MIS18BP1: variants seen among roughly 807,000 people sequenced by gnomAD.
The protein encoded by MIS18BP1 is MIS18 binding protein 1.
A neutral mutation model predicts 116.1 loss-of-function variants in MIS18BP1; 72 were observed. That is an observed-to-expected ratio of 0.62 (90% confidence interval 0.51 to 0.75). MIS18BP1 has a LOEUF of 0.75. Among genes scored for constraint, MIS18BP1 ranks in the 30% least tolerant of loss-of-function variants. The pLI is 0.00. For synonymous variants in MIS18BP1, 386 were observed against 427.0 expected, an observed-to-expected ratio of 0.90 and a Z score of 1.18; for missense variants, 1,363 against 1,303.2, an observed-to-expected ratio of 1.05 and a Z score of -0.71.
At chr14:45,240,816 T>G (rs1257951375) in intron 4 of MIS18BP1, among the ~76,000 whole-genome samples, 1 of 151,928 alleles carries the variant, frequency 6.6e-6, no homozygotes, top group Non-Finnish European at 1.5e-5. Flanking sequence ...GCAGGAGATT[T>G]GCATGAACCT....
At chr14:45,231,788 T>C (rs1891284470) in intron 7 of MIS18BP1, among the ~76,000 whole-genome samples, 1 of 152,182 alleles carries the variant, frequency 6.6e-6, no homozygotes, top group Non-Finnish European at 1.5e-5. Flanking sequence ...CCAGTTATTA[T>C]ATTTGTGCTG....
At chr14:45,211,174 A>G (rs2139148094) in intron 13 of MIS18BP1, among the ~76,000 whole-genome samples, 1 of 152,290 alleles carries the variant, frequency 6.6e-6, no homozygotes, top group South Asian at 2.1e-4. Context: ...TGCCTTATGC[A>G]CATGTTTTTA....
At chr14:45,224,894 G>C in intron 10 of MIS18BP1, 148 bp from the exon 11 acceptor site, 1 of 634,110 alleles carries the variant, frequency 1.6e-6, no homozygotes, top group Non-Finnish European at 2.6e-6. Context: ...TAATCTTTCT[G>C]AAGCCCAGGT....
intron 8 of MIS18BP1, among the ~76,000 whole-genome samples, chr14:45,229,896 G>A (rs1312963368): frequency 2.6e-5 from 4 of 152,208 alleles, no homozygotes; most frequent in African/African-American, 4.8e-5. Flanking sequence ...GATAAAAAGA[G>A]GAAGGGTTGA....
At position 45,226,742 on chromosome 14, in the gene MIS18BP1, C is replaced by T. The variant is rs1222477005; in HGVS notation, c.1840+1G>A. On this transcript the variant is annotated splice_donor_variant, in intron 10 of 16. Coordinates refer to ENST00000310806, the MANE Select transcript of MIS18BP1 (RefSeq NM_018353.5). LOFTEE classifies it high-confidence loss of function. The stretch of plus-strand genomic sequence containing the variant: ...TTAAAAAACCATTAAAGATATATTA[C>T]CTTGCTTCTGACTTTTTATTATCCT... The T allele has an allele frequency of 2.2e-6, 3 of 1,385,048 alleles. No individual in the cohort carries two copies. The highest frequency in any genetic ancestry group is 2.8e-5 in the East Asian group (1 of 35,998). The allele number at this position is 1,385,048 out of a possible 1,614,324, so 85.8% of individuals were successfully genotyped here.
chr14:45,225,198 T>C (rs17115914), intron 10 of MIS18BP1, among the ~76,000 whole-genome samples: 4,129 of 152,280 alleles, frequency 0.027, 110 homozygotes, highest in African/African-American at 0.068. Flanking sequence ...TTCGATTTTA[T>C]TCTCTAACCC....
At chr14:45,228,021 A>G (rs1430982243) in intron 8 of MIS18BP1, among the ~76,000 whole-genome samples, 1 of 152,130 alleles carries the variant, frequency 6.6e-6, no homozygotes, top group African/African-American at 2.4e-5. Context: ...TACAAAGAAT[A>G]AAAGGTTGGT....
chr14:45,244,050 C>A (rs988456997), intron 2 of MIS18BP1, among the ~76,000 whole-genome samples: 3 of 152,128 alleles, frequency 2.0e-5, no homozygotes, highest in Non-Finnish European at 4.4e-5. Flanking sequence ...ACTTCTACCC[C>A]CAAACTCCCT....
Position 45,247,243 on chromosome 14 carries a change from G to T in MIS18BP1, c.44C>A (p.Pro15Gln). The change falls in exon 2 of 17, where the codon CCA becomes CAA. Residue 15 changes from proline to glutamine, a missense_variant. By Grantham distance (76) the Pro-to-Gln change is moderately conservative. Transcript: ENST00000310806. Reference sequence around the variant, plus strand: ...ATTTCTCCTTTGAGAAGATGCCTCTGGAGGTAAGTAAATTCTTGAATGTTT... The same window carrying T: ...ATTTCTCCTTTGAGAAGATGCCTCTTGAGGTAAGTAAATTCTTGAATGTTT... ...PLKHSRIYLP[P>Q]EASSQRRNLP... is the part of the protein sequence containing the mutation. 1 of 1,595,788 alleles carries T rather than the reference G, an allele frequency of 6.3e-7. No homozygotes were observed.
At chr14:45,209,911 T>C (rs1029940428) in intron 14 of MIS18BP1, among the ~76,000 whole-genome samples, 1 of 152,206 alleles carries the variant, frequency 6.6e-6, no homozygotes, top group Non-Finnish European at 1.5e-5. Context: ...AAATTAGCCT[T>C]TTGCCTGTGA....
rs147881413 is a variant in MIS18BP1 at position 45,224,138 on chromosome 14, A to G, written c.2449T>C (p.Leu817=). ...TRNTSNIPVI[L]EPETEESENE... Reference sequence around the variant, plus strand: ...TCACTTTCTTCAGTTTCAGGTTCCAAAATCACTGGAATATTACTTGTGTTT... The same window carrying G: ...TCACTTTCTTCAGTTTCAGGTTCCAGAATCACTGGAATATTACTTGTGTTT... The change falls in exon 11 of 17, where the codon TTG becomes CTG. Residue 817 remains leucine, a synonymous_variant. Coordinates refer to ENST00000310806, the MANE Select transcript of MIS18BP1 (RefSeq NM_018353.5). The G allele has an allele frequency of 3.7e-6, 6 of 1,613,248 alleles. No homozygotes were observed. The highest frequency in any genetic ancestry group is 5.1e-6 in the Non-Finnish European group (6 of 1,179,902).
At chr14:45,230,090 A>G (rs1891234215) in intron 8 of MIS18BP1, among the ~76,000 whole-genome samples, 1 of 152,208 alleles carries the variant, frequency 6.6e-6, no homozygotes, top group Non-Finnish European at 1.5e-5. Flanking sequence ...GTATGGTGCT[A>G]TGTTTTTGGC....
Position 45,242,150 on chromosome 14 carries a change from C to T in MIS18BP1, c.1027G>A (p.Val343Ile), listed in dbSNP as rs1594525426. The T allele has an allele frequency of 6.2e-7, 1 of 1,613,918 alleles. No homozygotes were observed. The highest frequency in any genetic ancestry group is 8.5e-7 in the Non-Finnish European group (1 of 1,180,004). ...ATATGAAGTCTTGGTGTTGCAAGTA[C>T]AATTTTACATGTATCTTTCATGGAA... ...PGSMKDTCKIVLATPRLHITI... is the reference protein window; with the variant it reads ...PGSMKDTCKIILATPRLHITI... Residue 343 changes from valine to isoleucine, a missense_variant, in exon 4 of 17, where the codon GTA (valine) becomes ATA (isoleucine). By Grantham distance (29) the Val-to-Ile change is conservative. Coordinates refer to ENST00000310806, the MANE Select transcript of MIS18BP1 (RefSeq NM_018353.5).
chr14:45,243,010 T>A, intron 2 of MIS18BP1, 136 bp from the exon 3 acceptor site: 1 of 545,174 alleles, frequency 1.8e-6, no homozygotes, highest in Non-Finnish European at 3.2e-6. Flanking sequence ...TTGCAATATA[T>A]GACAGTTACA....
intron 8 of MIS18BP1, among the ~76,000 whole-genome samples, chr14:45,229,106 A>T (rs1488747745): frequency 2.1e-5 from 3 of 146,162 alleles, no homozygotes; most frequent in Non-Finnish European, 1.5e-5. Context: ...ATATATTAAT[A>T]TTTGCCCCTA....
intron 14 of MIS18BP1, among the ~76,000 whole-genome samples, chr14:45,207,066 C>T (rs1890538713): frequency 6.6e-6 from 1 of 152,122 alleles, no homozygotes; most frequent in Non-Finnish European, 1.5e-5. Context: ...TATCTCTTCC[C>T]TTACAAGCAA....
At chr14:45,204,513 C>T in intron 15 of MIS18BP1, 60 bp from the exon 16 acceptor site, 1 of 1,303,876 alleles carries the variant, frequency 7.7e-7, no homozygotes, top group South Asian at 1.3e-5. Context: ...TACCTCAAAT[C>T]TAGACAAAAT....
At chr14:45,235,252 C>A (rs1891392457) in intron 6 of MIS18BP1, among the ~76,000 whole-genome samples, 1 of 149,536 alleles carries the variant, frequency 6.7e-6, no homozygotes, top group Non-Finnish European at 1.5e-5. Flanking sequence ...ACTTCTGTAT[C>A]CATTCCCTGG....
At chr14:45,230,120 T>G (rs1408837365) in intron 8 of MIS18BP1, among the ~76,000 whole-genome samples, 2 of 152,214 alleles carry the variant, frequency 1.3e-5, no homozygotes, top group Non-Finnish European at 2.9e-5. Flanking sequence ...CCTGAACTCT[T>G]TCAAGTTTTG....
Sources: allele counts gnomAD v4.1 joint callset (sites outside exome capture counted in the v4.1 genomes callset), GRCh38; gene constraint gnomAD v4.1.1; transcripts MANE v1.5; gene names NCBI Gene and HGNC (gene_info 2026-07-23, HGNC 2026-07-21).